CMPK1: variants seen among roughly 807,000 people sequenced by gnomAD.
CMPK1 encodes cytidine/uridine monophosphate kinase 1.
A neutral mutation model predicts 25.7 loss-of-function variants in CMPK1; 10 were observed. The ratio of observed to expected loss-of-function variants is 0.39; its 90% CI spans 0.24 to 0.66. The LOEUF (loss-of-function observed/expected upper bound fraction) is 0.66. Ranked by LOEUF, CMPK1 falls within the 30% of genes least tolerant of loss-of-function variation. The pLI, the probability that CMPK1 is intolerant of heterozygous loss-of-function variation, is 0.48. For missense variants in CMPK1, 199 were observed against 280.5 expected (o/e 0.71, Z 2.08); for synonymous variants, 106 against 101.5 (o/e 1.04, Z -0.27).
At chr1:47,369,618 G>A (rs564867575) in intron 2 of CMPK1, among the ~76,000 whole-genome samples, 5 of 151,198 alleles carry the variant, frequency 3.3e-5, no homozygotes, top group African/African-American at 7.3e-5. Context: ...CTGGAGTGTA[G>A]TGGCGCGATC....
chr1:47,344,420 C>CA (rs970011143), intron 1 of CMPK1, among the ~76,000 whole-genome samples: 6 of 151,422 alleles, frequency 4.0e-5, no homozygotes, highest in Non-Finnish European at 7.4e-5. Context: ...GAGGCTGACT[C>CA]AAAAAACACT....
chr1:47,372,865 A>G, intron 2 of CMPK1, 90 bp from the exon 3 acceptor site: 1 of 843,746 alleles, frequency 1.2e-6, no homozygotes, highest in East Asian at 3.0e-5. Context: ...TTTAAATAAT[A>G]ATAATAAAAC....
chr1:47,349,612 A>G (rs114540530), intron 1 of CMPK1, among the ~76,000 whole-genome samples: 2,462 of 152,308 alleles, frequency 0.016, 73 homozygotes, highest in African/African-American at 0.056. Flanking sequence ...ATGTTCATCT[A>G]GAACTTCACA....
intron 1 of CMPK1, among the ~76,000 whole-genome samples, chr1:47,363,527 A>C (rs1369734719): frequency 1.3e-5 from 2 of 152,096 alleles, no homozygotes; most frequent in East Asian, 3.9e-4. Flanking sequence ...AGTACCAGCT[A>C]CTTGGGAGGC....
At chr1:47,373,151 T>C in intron 3 of CMPK1, 44 bp downstream of exon 3, 1 of 1,521,112 alleles carries the variant, frequency 6.6e-7, no homozygotes. Context: ...TAAGCAACTG[T>C]TAGTCAACTA....
intron 1 of CMPK1, among the ~76,000 whole-genome samples, chr1:47,363,492 G>C (rs988810342): frequency 2.0e-5 from 3 of 152,036 alleles, no homozygotes; most frequent in African/African-American, 7.2e-5. Context: ...TGCGCATGGT[G>C]GCGGCTGCAG....
chr1:47,360,970 T>G (rs560253301), intron 1 of CMPK1, among the ~76,000 whole-genome samples: 1 of 152,256 alleles, frequency 6.6e-6, no homozygotes, highest in South Asian at 2.1e-4. Flanking sequence ...TATAGTAGTC[T>G]TAAATATGAA....
intron 1 of CMPK1, among the ~76,000 whole-genome samples, chr1:47,343,819 G>A (rs924098952): frequency 4.0e-5 from 6 of 151,746 alleles, no homozygotes; most frequent in Admixed American, 6.6e-5. Flanking sequence ...CCCAGGAGGC[G>A]GAGCTTGCGG....
At chr1:47,356,440 A>G (rs532900683) in intron 1 of CMPK1, among the ~76,000 whole-genome samples, 2 of 152,304 alleles carry the variant, frequency 1.3e-5, no homozygotes, top group South Asian at 4.1e-4. Flanking sequence ...AAAAGGGACA[A>G]GTCCTCATTT....
chr1:47,350,976 T>C (rs1271645210), intron 1 of CMPK1, among the ~76,000 whole-genome samples: 1 of 152,164 alleles, frequency 6.6e-6, no homozygotes, highest in Non-Finnish European at 1.5e-5. Context: ...TGGTAAGTTC[T>C]AATCTACTGT....
intron 1 of CMPK1, among the ~76,000 whole-genome samples, chr1:47,357,544 G>A (rs1002258846): frequency 3.3e-5 from 5 of 150,694 alleles, no homozygotes; most frequent in Non-Finnish European, 7.4e-5. Context: ...AAGTGCGGTG[G>A]TGTGATCTCA....
intron 1 of CMPK1, among the ~76,000 whole-genome samples, chr1:47,338,818 T>C (rs1229623750): frequency 6.6e-6 from 1 of 152,064 alleles, no homozygotes; most frequent in African/African-American, 2.4e-5. Flanking sequence ...TACTGTGTCA[T>C]TCTTGAATTT....
At chr1:47,350,051 C>A (rs1271712806) in intron 1 of CMPK1, among the ~76,000 whole-genome samples, 1 of 152,158 alleles carries the variant, frequency 6.6e-6, no homozygotes, top group Non-Finnish European at 1.5e-5. Context: ...AGTGATCCGC[C>A]CACCTCGGCC....
At chr1:47,337,045 G>A (rs1411335500) in intron 1 of CMPK1, among the ~76,000 whole-genome samples, 1 of 152,168 alleles carries the variant, frequency 6.6e-6, no homozygotes, top group East Asian at 1.9e-4. Context: ...AGCAGTTTGG[G>A]AGGCCCAGGC....
intron 1 of CMPK1, among the ~76,000 whole-genome samples, chr1:47,337,805 G>T (rs750563111): frequency 4.6e-5 from 7 of 151,968 alleles, no homozygotes; most frequent in African/African-American, 7.3e-5. Context: ...TAGAGACGGG[G>T]TTTCACTATG....
At chr1:47,365,000 A>G (rs922263866) in intron 1 of CMPK1, among the ~76,000 whole-genome samples, 2 of 152,126 alleles carry the variant, frequency 1.3e-5, no homozygotes, top group African/African-American at 4.8e-5. Flanking sequence ...ACCTCAAGCA[A>G]TCCTCTCACC....
At chr1:47,353,426 G>A (rs1361323906) in intron 1 of CMPK1, among the ~76,000 whole-genome samples, 1 of 152,122 alleles carries the variant, frequency 6.6e-6, no homozygotes, top group Non-Finnish European at 1.5e-5. Context: ...TTTGTTTAAG[G>A]AGTGGATCAC....
intron 1 of CMPK1, among the ~76,000 whole-genome samples, chr1:47,363,917 T>G (rs1020127754): frequency 1.3e-5 from 2 of 152,148 alleles, no homozygotes; most frequent in Admixed American, 6.6e-5. Context: ...CACTCCAGGC[T>G]AGGTGATCGA....
intron 1 of CMPK1, among the ~76,000 whole-genome samples, chr1:47,349,747 C>CTTGT (rs372890322): frequency 1.1e-3 from 168 of 152,046 alleles, no homozygotes; most frequent in Admixed American, 2.4e-3. Flanking sequence ...TCTAAATGTT[C>CTTGT]TTGTTTGTTT....
Sources: gnomAD v4.1 joint callset for allele counts (sites outside exome capture counted in the v4.1 genomes callset) on GRCh38, gnomAD v4.1.1 for gene constraint, MANE v1.5 for transcripts, NCBI Gene and HGNC (gene_info 2026-07-23, HGNC 2026-07-21) for gene names.